The following CELF2 variants were observed in gnomAD, a reference collection of about 807,000 sequenced individuals.
The protein encoded by CELF2 is CUGBP Elav-like family member 2, also known as CUG triplet repeat RNA-binding protein 2.
CELF2 carries 8 observed loss-of-function variants against 62.6 expected under a neutral mutation model. The ratio of observed to expected loss-of-function variants is 0.13; its 90% confidence interval spans 0.07 to 0.23. CELF2 has a LOEUF of 0.23. Ranked by LOEUF, CELF2 falls within the 10% of genes least tolerant of loss-of-function variation. CELF2 has a pLI of 1.00. For missense variants in CELF2, 333 were observed against 671.0 expected, an observed-to-expected ratio of 0.50 and a Z score of 5.56; for synonymous variants, 258 against 250.0, an observed-to-expected ratio of 1.03 and a Z score of -0.30.
Position 11,246,597 on chromosome 10 carries a change from C to A in CELF2, c.355-2556C>A. ...ATTCTTTGGCCTCTCACAGTGTTTG[C>A]TGTGGCCTGATTCTCCCTCATTCTG... On this transcript the variant is annotated intron_variant, in intron 3 of 12. Transcript: ENST00000633077. The surrounding 1 kb of genome is among the most constrained non-coding windows in gnomAD (Gnocchi z 4.6). 6.6e-6 allele frequency among the ~76,000 whole-genome samples: 1 copy of A among 152,164 alleles called. No individual in the cohort carries two copies. Among genetic ancestry groups the A allele is most frequent in the East Asian group, 1.9e-4 (1 of 5,196 alleles).
chr10:10,697,518 T>TCCTA, the CELF2 span, among the ~76,000 whole-genome samples: 1 of 152,142 alleles, frequency 6.6e-6, no homozygotes, highest in African/African-American at 2.4e-5. Flanking sequence ...ACTCGGGGTC[T>TCCTA]CCTAAGCAAT....
chr10:10,528,794 G>T, the CELF2 span, among the ~76,000 whole-genome samples: 1 of 152,110 alleles, frequency 6.6e-6, no homozygotes, highest in Admixed American at 6.5e-5. Context: ...GGGACTTAAA[G>T]AAAAAAGTTT....
chr10:10,722,587 A>G, the CELF2 span, among the ~76,000 whole-genome samples: 457 of 152,336 alleles, frequency 3.0e-3, 3 homozygotes, highest in African/African-American at 0.011. Context: ...TTAAAACAAG[A>G]TTATTTTTAT....
intron 1 of CELF2, among the ~76,000 whole-genome samples, chr10:10,813,365 A>G (rs1268070331): frequency 2.6e-5 from 4 of 152,208 alleles, no homozygotes; most frequent in Admixed American, 6.5e-5. Flanking sequence ...GTTTTGTGCT[A>G]GTTTTTCATT....
At chr10:11,021,530 C>G (rs112070677) in intron 1 of CELF2, among the ~76,000 whole-genome samples, 2 of 152,134 alleles carry the variant, frequency 1.3e-5, no homozygotes, top group Non-Finnish European at 2.9e-5. Context: ...GGCAGTGTGA[C>G]GAGTCCAAGA....
chr10:11,082,958 A>G (rs1395691571), intron 1 of CELF2, among the ~76,000 whole-genome samples: 1 of 152,186 alleles, frequency 6.6e-6, no homozygotes, highest in Non-Finnish European at 1.5e-5. Flanking sequence ...ACTTTTTCCT[A>G]ATATCTCTAA....
chr10:10,662,723 A>C, the CELF2 span, among the ~76,000 whole-genome samples: 1 of 152,194 alleles, frequency 6.6e-6, no homozygotes, highest in African/African-American at 2.4e-5. Flanking sequence ...ACAAACCAGC[A>C]ATGGTGGAGG....
At chr10:10,652,747 G>A in the CELF2 span, among the ~76,000 whole-genome samples, 8 of 151,686 alleles carry the variant, frequency 5.3e-5, no homozygotes, top group African/African-American at 7.3e-5. Context: ...AGGAACAATC[G>A]GTACCAGCCG....
chr10:10,759,927 T>C, the CELF2 span, among the ~76,000 whole-genome samples: 8 of 152,186 alleles, frequency 5.3e-5, no homozygotes, highest in Admixed American at 3.3e-4. Flanking sequence ...TTTTTTGAGA[T>C]GGAGTTTCGC....
At chr10:10,921,760 G>T (rs2064941139) in intron 2 of CELF2, among the ~76,000 whole-genome samples, 2 of 151,906 alleles carry the variant, frequency 1.3e-5, no homozygotes, top group Admixed American at 1.3e-4. Context: ...GGGGTGTGTG[G>T]ATTCAGAGCA....
chr10:11,219,515 C>A (rs1229004879), intron 3 of CELF2, among the ~76,000 whole-genome samples: 1 of 152,098 alleles, frequency 6.6e-6, no homozygotes, highest in Non-Finnish European at 1.5e-5. Flanking sequence ...TTCATATGCC[C>A]AATTACTTGA....
chr10:10,937,121 C>CTTTTTTTTTTTTTTTTTTTTTTTTTTTTT lies in CELF2; in HGVS notation c.89+17144_89+17145insTTTTTTTTTTTTTTTTTTTTTTTTTTTTT, dbSNP rs373143426. Among the ~76,000 whole-genome samples, 132 of 90,490 alleles carry CTTTTTTTTTTTTTTTTTTTTTTTTTTTTT rather than the reference C, an allele frequency of 1.5e-3. 1 individual carries two copies. Among genetic ancestry groups the CTTTTTTTTTTTTTTTTTTTTTTTTTTTTT allele is most frequent in the Non-Finnish European group, 2.1e-3 (102 of 49,622 alleles). 59.4% of individuals were successfully genotyped at this position (90,490 alleles called of 152,430 possible). On this transcript the variant is annotated intron_variant, in intron 2 of 13. Transcript: ENST00000636488. ...CTTTCTTCTTTTTTGTTTTTCTTTTCTTTTTTTTTTTTTTTTTTTTTTCGT... is the reference window on the plus strand; with the variant it reads ...CTTTCTTCTTTTTTGTTTTTCTTTTCTTTTTTTTTTTTTTTTTTTTTTTTTTTTTTTTTTTTTTTTTTTTTTTTTTTCGT...
chr10:10,553,325 T>C, the CELF2 span, among the ~76,000 whole-genome samples: 1,337 of 152,218 alleles, frequency 8.8e-3, 15 homozygotes, highest in African/African-American at 0.03. Flanking sequence ...TTACAGGGGC[T>C]ACAATTCCAG....
chr10:10,765,439 G>A, the CELF2 span, among the ~76,000 whole-genome samples: 1 of 152,292 alleles, frequency 6.6e-6, no homozygotes, highest in East Asian at 1.9e-4. Flanking sequence ...CTTGGACCAG[G>A]AGGTGGATGA....
the CELF2 span, among the ~76,000 whole-genome samples, chr10:10,633,111 T>C: frequency 2.4e-4 from 37 of 152,224 alleles, no homozygotes; most frequent in African/African-American, 8.7e-4. Flanking sequence ...CCATCATCAT[T>C]ATTATTCATG....
chr10:10,971,560 T>TTTG (rs908106267), intron 2 of CELF2, among the ~76,000 whole-genome samples: 39 of 152,072 alleles, frequency 2.6e-4, no homozygotes, highest in African/African-American at 7.5e-4. Flanking sequence ...CATGCATGGT[T>TTTG]TTGTTGTTGT....
At chr10:10,820,887 G>A (rs1226499556) in intron 1 of CELF2, among the ~76,000 whole-genome samples, 1 of 152,198 alleles carries the variant, frequency 6.6e-6, no homozygotes, top group Non-Finnish European at 1.5e-5. Context: ...TGAGAATGGT[G>A]GAGAGGATGC....
the CELF2 span, among the ~76,000 whole-genome samples, chr10:10,711,911 T>C: frequency 6.6e-6 from 1 of 151,848 alleles, no homozygotes; most frequent in Non-Finnish European, 1.5e-5. Flanking sequence ...ATAGAGAGGG[T>C]AAAAAGTGAA....
In CELF2 at chr10:11,046,967, C is replaced by A. The variant is rs2062964420; in HGVS notation, c.74+28804C>A. Among the ~76,000 whole-genome samples, 1 of 151,688 alleles carries A rather than the reference C, an allele frequency of 6.6e-6. No individual in the cohort carries two copies. The highest frequency in any genetic ancestry group is 2.4e-5 in the African/African-American group (1 of 41,276). On this transcript the variant is annotated intron_variant, in intron 1 of 12. Transcript: ENST00000633077. This position sits in a 1 kb window ranked among gnomAD's most constrained non-coding sequence, Gnocchi z 4.6. The stretch of plus-strand genomic sequence containing the variant: ...TTCGGAATTATTATATTGTCAGACC[C>A]ATTGTTTATTTCGCTCACATTTTCC...
Sources: allele counts gnomAD v4.1 joint callset (sites outside exome capture counted in the v4.1 genomes callset), GRCh38; gene constraint gnomAD v4.1.1; non-coding constraint Gnocchi (gnomAD v3.1); transcripts MANE v1.5; gene names NCBI Gene and HGNC (gene_info 2026-07-23, HGNC 2026-07-21).